Variants in RYR3 observed in about 807,000 individuals in gnomAD.
RYR3 encodes the protein ryanodine receptor 3, also known as brain ryanodine receptor-calcium release channel.
A neutral mutation model predicts 584.3 loss-of-function variants in RYR3; 207 were observed. The observed-to-expected ratio is 0.35, with a 90% confidence interval of 0.32 to 0.40. RYR3 has a LOEUF of 0.40. Ranked by LOEUF, RYR3 falls within the 10% of genes least tolerant of loss-of-function variation. The pLI, the probability that RYR3 is intolerant of heterozygous loss-of-function variation, is 1.00. For synonymous variants in RYR3, 2,416 were observed against 2,248.5 expected (o/e 1.07, Z -2.11); for missense variants, 5,616 against 6,089.2 (o/e 0.92, Z 2.59).
chr15:33,716,223 T>C (rs2067486356), intron 43 of RYR3, among the ~76,000 whole-genome samples: 1 of 152,206 alleles, frequency 6.6e-6, no homozygotes, highest in Non-Finnish European at 1.5e-5. Flanking sequence ...CAATTAAACC[T>C]CTTTTCTTTA....
At chr15:33,725,109 G>C (rs940542232) in intron 45 of RYR3, among the ~76,000 whole-genome samples, 1 of 149,576 alleles carries the variant, frequency 6.7e-6, no homozygotes, top group Non-Finnish European at 1.5e-5. Context: ...CCCCATCTGC[G>C]GTGCCCCATT....
In RYR3 at chr15:33,838,229, G is replaced by A; in HGVS notation, c.12249G>A (p.Glu4083=). The change falls in exon 89 of 104, where the codon GAG becomes GAA. Residue 4083 remains glutamate (E), a synonymous_variant. Coordinates refer to ENST00000634891, the MANE Select transcript of RYR3 (RefSeq NM_001036.6). ...AAGGTGGGGAGCAGGAAAAGATGGA[G>A]CTGTTTGTGAACTTCTGTGAGGACA... ...VNEGGEQEKM[E]LFVNFCEDTI... is the part of the protein sequence containing the mutation. 6.2e-7 allele frequency: 1 copy of A among 1,614,034 alleles called. No individual in the cohort carries two copies. The highest frequency in any genetic ancestry group is 8.5e-7 in the Non-Finnish European group (1 of 1,179,898).
chr15:33,854,810 C>T lies in RYR3; in HGVS notation c.13905C>T (p.Gly4635=), dbSNP rs748822121. Residue 4635 remains glycine, a synonymous_variant, in exon 98 of 104, where the codon GGC becomes GGT. Transcript: ENST00000634891. ...LAWYTTMSVL[G]HYNNFFFAAH... is the part of the protein sequence containing the mutation. The stretch of plus-strand genomic sequence containing the variant: ...GGTATACAACCATGTCAGTCCTGGG[C>T]CACTACAATAACTTCTTCTTTGCTG... The T allele has an allele frequency of 3.1e-6, 5 of 1,613,818 alleles. No individual in the cohort carries two copies. Among genetic ancestry groups the T allele is most frequent in the Non-Finnish European group, 4.2e-6 (5 of 1,179,810 alleles).
intron 1 of RYR3, among the ~76,000 whole-genome samples, chr15:33,322,856 T>A (rs116253687): frequency 0.013 from 1,998 of 151,890 alleles, 43 homozygotes; most frequent in African/African-American, 0.046. Flanking sequence ...AATGACAAAT[T>A]CAGAATTCAC....
Position 33,865,682 on chromosome 15 carries a change from T to C in RYR3, c.*456T>C, listed in dbSNP as rs1890271418. 1 of 156,386 alleles carries C rather than the reference T, an allele frequency of 6.4e-6. No individual in the cohort carries two copies. The highest frequency in any genetic ancestry group is 1.4e-5 in the Non-Finnish European group (1 of 70,402). The allele number at this position is 156,386 out of a possible 1,614,324, so 9.7% of individuals were successfully genotyped here. A position where few individuals can be genotyped will look rare whatever the true frequency, so the allele number is the denominator to read the frequency against. Reference sequence around the variant, plus strand: ...AACTGCAGTCTAATTTTTCCCATGGTACTTGCTAGTGACTGTATCCAGAAA... The same window carrying C: ...AACTGCAGTCTAATTTTTCCCATGGCACTTGCTAGTGACTGTATCCAGAAA... On this transcript the variant is annotated 3_prime_UTR_variant, in exon 104 of 104. Coordinates refer to ENST00000634891, the MANE Select transcript of RYR3 (RefSeq NM_001036.6).
chr15:33,718,625 A>G (rs2152803567), intron 43 of RYR3, among the ~76,000 whole-genome samples: 1 of 152,314 alleles, frequency 6.6e-6, no homozygotes, highest in Non-Finnish European at 1.5e-5. Context: ...TGTTCCAGAC[A>G]ATGGAACTTT....
intron 65 of RYR3, among the ~76,000 whole-genome samples, chr15:33,785,273 G>A (rs1052493218): frequency 6.6e-5 from 10 of 152,158 alleles, no homozygotes; most frequent in Admixed American, 4.6e-4. Context: ...CTGATCAGTT[G>A]CTTTTCTCCT....
At chr15:33,551,118 T>G (rs1595553198) in intron 10 of RYR3, among the ~76,000 whole-genome samples, 1 of 152,362 alleles carries the variant, frequency 6.6e-6, no homozygotes, top group African/African-American at 2.4e-5. Context: ...CAGAATTGCA[T>G]GCTGAGCTAA....
rs12591538 is a variant in RYR3, at chr15:33,696,044, C to A, written c.5861-174C>A. 6.7e-5 allele frequency among the ~76,000 whole-genome samples: 10 copies of A among 149,680 alleles called. No homozygotes were observed. In the South Asian group the frequency reaches 8.5e-4, roughly 13 times the overall value. ...TGCTAGGCTCAAGAAATCCTTCAGC[C>A]TCAGCCTCCCAAATTGCTAGGATTA... On this transcript the variant is annotated intron_variant, in intron 38 of 103. Transcript: ENST00000634891.
intron 1 of RYR3, among the ~76,000 whole-genome samples, chr15:33,336,540 G>GCA (rs1159076313): frequency 4.2e-5 from 1 of 23,958 alleles, no homozygotes; most frequent in African/African-American, 4.4e-4. Flanking sequence ...GAGGGAAGGA[G>GCA]GGAAGGAGGG....
chr15:33,594,791 TAAAAG>T (rs956387823), intron 16 of RYR3, among the ~76,000 whole-genome samples: 13 of 152,286 alleles, frequency 8.5e-5, no homozygotes, highest in East Asian at 5.8e-4. Context: ...CAGCCATAGT[TAAAAG>T]AAACAATTGA....
chr15:33,460,702 G>C lies in RYR3; in HGVS notation c.52-12717G>C, dbSNP rs113913573. Among the ~76,000 whole-genome samples, 508 of 152,236 alleles carry C rather than the reference G, an allele frequency of 3.3e-3. 3 individuals carry two copies. The highest frequency in any genetic ancestry group is 0.012 in the African/African-American group (500 of 41,534). The stretch of plus-strand genomic sequence containing the variant: ...TGAGCAGTGACTTAATACGTCTGAG[G>C]CCAGGCTTAAGTGCCTTTACCTGTA... On this transcript the variant is annotated intron_variant, in intron 1 of 103. Transcript: ENST00000634891.
Position 33,844,974 on chromosome 15 carries a change from C to G in RYR3, c.13409C>G (p.Thr4470Ser), listed in dbSNP as rs750630801. 41 of 1,613,888 alleles carry G rather than the reference C, an allele frequency of 2.5e-5. No homozygotes were observed. In the South Asian group the frequency reaches 4.3e-4, roughly 17 times the overall value. The change falls in exon 93 of 104, where the codon ACC (threonine) becomes AGC (serine). Residue 4470 changes from threonine (T) to serine (S), a missense_variant. Around this residue, in one of 9 missense-constraint regions of RYR3, gnomAD observed 918 missense variants for 887.4 expected, o/e 1.03. Transcript: ENST00000634891. ...GTATTCTTTGTCCTTCAGGAGAGCA[C>G]CGGGTATATGGCACCAACCCTGCGT... is the stretch of plus-strand genomic sequence containing the variant. ...AMVFFVLQESTGYMAPTLRAL... is the reference protein window; with the variant it reads ...AMVFFVLQESSGYMAPTLRAL...
Position 33,748,603 on chromosome 15 carries a change from A to G in RYR3, c.8199+73A>G, listed in dbSNP as rs188572794. On this transcript the variant is annotated intron_variant, in intron 55 of 103. Transcript: ENST00000634891. Reference sequence around the variant, plus strand: ...TTACCTTCCAAAGAGTTAAAGGGGGAAAAAAGGGAAAGAATGCCTAGAACA... The same window carrying G: ...TTACCTTCCAAAGAGTTAAAGGGGGGAAAAAGGGAAAGAATGCCTAGAACA... 2,855 of 1,243,164 alleles carry G rather than the reference A, an allele frequency of 2.3e-3. 13 individuals are homozygous for G. Among genetic ancestry groups the G allele is most frequent in the South Asian group, 4.3e-3 (336 of 78,432 alleles). The allele number at this position is 1,243,164 out of a possible 1,614,324, so 77.0% of individuals were successfully genotyped here.
chr15:33,742,242 T>A (rs763436599), intron 51 of RYR3, 124 bp from the exon 52 acceptor site: 3 of 693,090 alleles, frequency 4.3e-6, no homozygotes, highest in Non-Finnish European at 7.8e-6. Flanking sequence ...AGCTTTAGCT[T>A]TGGGATTGGC....
intron 1 of RYR3, among the ~76,000 whole-genome samples, chr15:33,324,573 A>G (rs1299940430): frequency 6.6e-6 from 1 of 152,180 alleles, no homozygotes; most frequent in Non-Finnish European, 1.5e-5. Flanking sequence ...TGTGTATGAC[A>G]CTGATTTATC....
At chr15:33,807,520 T>C in intron 69 of RYR3, 35 bp from the exon 70 acceptor site, 4 of 1,550,972 alleles carry the variant, frequency 2.6e-6, no homozygotes, top group Non-Finnish European at 3.5e-6. Flanking sequence ...GACTGACTCT[T>C]CTCCTTGTTT....
chr15:33,793,952 T>A lies in RYR3; in HGVS notation c.9830+5494T>A, dbSNP rs986941160. 7.7e-5 allele frequency among the ~76,000 whole-genome samples: 11 copies of A among 142,130 alleles called. No individual in the cohort carries two copies. In the East Asian group the frequency reaches 2.2e-3, roughly 29 times the overall value. The allele number at this position is 142,130 out of a possible 152,430, so 93.2% of individuals were successfully genotyped here. On this transcript the variant is annotated intron_variant, in intron 67 of 103. Coordinates refer to ENST00000634891, the MANE Select transcript of RYR3 (RefSeq NM_001036.6). ...TATATATACATATATAAATATATAT[T>A]TATTTATTTATGTAAATGTATATAT...
rs778200540 is a variant in RYR3, at chr15:33,821,604, T to TA, written c.10995+4dup. On this transcript the variant is annotated splice_region_variant and intron_variant, in intron 80 of 103. Coordinates refer to ENST00000634891, the MANE Select transcript of RYR3 (RefSeq NM_001036.6). ...GGAGGCAATGCTGGTGTGCAACAGG[T>TA]AACGGGAACTTGCAGCGGCTGGGCA... is the stretch of plus-strand genomic sequence containing the variant. 91 of 1,613,748 alleles carry TA rather than the reference T, an allele frequency of 5.6e-5. 1 individual carries two copies. In the South Asian group the frequency reaches 9.0e-4, roughly 16 times the overall value.
Sources: gnomAD v4.1 joint callset for allele counts (sites outside exome capture counted in the v4.1 genomes callset) on GRCh38, gnomAD v4.1.1 for gene constraint, gnomAD v4.1.1 regional missense constraint, MANE v1.5 for transcripts, NCBI Gene and HGNC (gene_info 2026-07-23, HGNC 2026-07-21) for gene names.